Variants in HDAC8 observed in about 807,000 individuals in gnomAD.
The protein encoded by HDAC8 is histone deacetylase-like 1.
In HDAC8, 1 loss-of-function variant was observed where a neutral mutation model predicts 32.2. The ratio of observed to expected loss-of-function variants is 0.03; its 90% CI spans 0.01 to 0.15. The LOEUF (loss-of-function observed/expected upper bound fraction) is 0.15, where lower values mean the gene tolerates loss of function less well. Ranked by LOEUF, HDAC8 falls within the 10% of genes least tolerant of loss-of-function variation. The probability of loss-of-function intolerance (pLI) is 1.00; values close to 1 mark genes in which losing one functional copy is unlikely to be tolerated. For missense variants in HDAC8, 117 were observed against 300.0 expected, an observed-to-expected ratio of 0.39 and a Z score of 4.51; for synonymous variants, 108 against 113.9, an observed-to-expected ratio of 0.95 and a Z score of 0.33.
At chrX:72,449,959 C>T (rs782578042) in intron 9 of HDAC8, among the ~76,000 whole-genome samples, 5 of 112,090 alleles carry the variant, frequency 4.5e-5, no homozygotes, top group Non-Finnish European at 9.4e-5. Context: ...TATATCCACA[C>T]AAAAACTGTA....
chrX:72,353,262 T>C (rs1236298880), intron 9 of HDAC8, among the ~76,000 whole-genome samples: 4 of 112,200 alleles, frequency 3.6e-5, no homozygotes, highest in Non-Finnish European at 5.6e-5. Flanking sequence ...GATTGGGAGA[T>C]GGTTTTGCAT....
chrX:72,469,822 A>G (rs2048116258), intron 7 of HDAC8, among the ~76,000 whole-genome samples: 1 of 111,450 alleles, frequency 9.0e-6, no homozygotes, highest in Non-Finnish European at 1.9e-5. Context: ...TTTTTGAAAA[A>G]TACAAATATA....
chrX:72,394,203 A>G (rs2045694215), intron 9 of HDAC8, among the ~76,000 whole-genome samples: 1 of 111,948 alleles, frequency 8.9e-6, no homozygotes, highest in African/African-American at 3.2e-5. Context: ...AAGGCTTTAA[A>G]GCAATCCCCC....
At chrX:72,387,740 C>T (rs782147387) in intron 9 of HDAC8, among the ~76,000 whole-genome samples, 15 of 112,197 alleles carry the variant, frequency 1.3e-4, no homozygotes, top group Non-Finnish European at 2.1e-4. Context: ...GCTTGTTGTA[C>T]TTCTTCTTTC....
At chrX:72,365,131 G>A (rs1293223550) in intron 9 of HDAC8, among the ~76,000 whole-genome samples, 6 of 111,936 alleles carry the variant, frequency 5.4e-5, no homozygotes, top group African/African-American at 1.9e-4. Context: ...TGCATTATAT[G>A]TACTAGTTGA....
chrX:72,482,011 A>G (rs1053212043), intron 7 of HDAC8, among the ~76,000 whole-genome samples: 15 of 111,523 alleles, frequency 1.3e-4, no homozygotes, highest in African/African-American at 4.9e-4. Context: ...TAATTAAAAC[A>G]TCTCTTCTTT....
chrX:72,359,504 G>A (rs1181914357), intron 9 of HDAC8, among the ~76,000 whole-genome samples: 2 of 110,885 alleles, frequency 1.8e-5, no homozygotes, highest in African/African-American at 3.3e-5. Context: ...CAAGTTTGGG[G>A]AAGAGCAAGT....
chrX:72,370,187 C>T (rs1246475002), intron 9 of HDAC8, among the ~76,000 whole-genome samples: 1 of 112,213 alleles, frequency 8.9e-6, no homozygotes, highest in Non-Finnish European at 1.9e-5. Context: ...CCCACTTTTC[C>T]ATAAGGCCTG....
chrX:72,564,874 T>G (rs2051721194), intron 4 of HDAC8, among the ~76,000 whole-genome samples: 1 of 112,247 alleles, frequency 8.9e-6, no homozygotes, highest in South Asian at 3.7e-4. Flanking sequence ...TCTTTGAAAA[T>G]CATCCTTTTT....
intron 9 of HDAC8, among the ~76,000 whole-genome samples, chrX:72,444,387 T>G (rs183531722): frequency 3.3e-4 from 37 of 111,601 alleles, no homozygotes; most frequent in Admixed American, 6.7e-4. Context: ...TCAATATACA[T>G]AAATCAATAA....
At chrX:72,413,234 A>G (rs1437199856) in intron 9 of HDAC8, among the ~76,000 whole-genome samples, 5 of 107,604 alleles carry the variant, frequency 4.6e-5, no homozygotes, top group African/African-American at 6.8e-5. Context: ...ATCATTTAAC[A>G]TTAAGTATCT....
chrX:72,361,732 A>T (rs1555952700), intron 9 of HDAC8, among the ~76,000 whole-genome samples: 1 of 110,048 alleles, frequency 9.1e-6, no homozygotes. Flanking sequence ...AAAAAAAAAA[A>T]AATAAGGTCT....
At chrX:72,426,714 T>A (rs1415555873) in intron 9 of HDAC8, among the ~76,000 whole-genome samples, 1 of 110,887 alleles carries the variant, frequency 9.0e-6, no homozygotes, top group Non-Finnish European at 1.9e-5. Flanking sequence ...AGTATGGCTG[T>A]GTATGCAGTC....
chrX:72,480,376 T>C, intron 7 of HDAC8: 1 of 330,772 alleles, frequency 3.0e-6, no homozygotes, highest in Non-Finnish European at 5.9e-6. Flanking sequence ...ATGTATTAGC[T>C]TGTGCTCATG....
intron 9 of HDAC8, among the ~76,000 whole-genome samples, chrX:72,367,070 A>G (rs1602596572): frequency 8.9e-6 from 1 of 112,467 alleles, no homozygotes; most frequent in East Asian, 2.8e-4. Flanking sequence ...AGTAAATGAC[A>G]TAGATCTTGG....
intron 4 of HDAC8, among the ~76,000 whole-genome samples, chrX:72,562,302 T>C (rs1191307223): frequency 8.9e-6 from 1 of 112,012 alleles, no homozygotes; most frequent in Non-Finnish European, 1.9e-5. Context: ...AATCAACAAG[T>C]GGATAAAGAA....
chrX:72,412,598 T>G, intron 9 of HDAC8, among the ~76,000 whole-genome samples: 1 of 111,518 alleles, frequency 9.0e-6, no homozygotes, highest in Middle Eastern at 4.6e-3. Flanking sequence ...GAATGTACTT[T>G]GGGTATTTAT....
intron 2 of HDAC8, among the ~76,000 whole-genome samples, chrX:72,570,947 C>T (rs1262401078): frequency 8.9e-6 from 1 of 111,999 alleles, no homozygotes; most frequent in Non-Finnish European, 1.9e-5. Flanking sequence ...TTTTTTGAGA[C>T]GGAGTCTCAC....
intron 9 of HDAC8, among the ~76,000 whole-genome samples, chrX:72,450,842 A>G (rs2047551829): frequency 9.0e-6 from 1 of 111,532 alleles, no homozygotes; most frequent in African/African-American, 3.3e-5. Flanking sequence ...AAAAAAAAAT[A>G]AAGAAATACT....
Sources: gnomAD v4.1 joint callset for allele counts (sites outside exome capture counted in the v4.1 genomes callset) on GRCh38, gnomAD v4.1.1 for gene constraint, MANE v1.5 for transcripts, NCBI Gene and HGNC (gene_info 2026-07-23, HGNC 2026-07-21) for gene names.